The following SLC10A1 variants were observed in gnomAD, a reference collection of about 807,000 sequenced individuals.
The protein encoded by SLC10A1 is solute carrier family 10 member 1, also known as hepatic sodium/bile acid cotransporter.
A neutral mutation model predicts 20.5 loss-of-function variants in SLC10A1; 36 were observed. The ratio of observed to expected loss-of-function variants is 1.75; its 90% CI spans 1.34 to 2.32. SLC10A1 has a LOEUF of 2.32. Among genes scored for constraint, SLC10A1 ranks in the 30% most tolerant of loss-of-function variants. The pLI is 0.00. For synonymous variants in SLC10A1, 188 were observed against 163.6 expected (o/e 1.15, Z -1.14); for missense variants, 545 against 439.1 (o/e 1.24, Z -2.16).
intron 1 of SLC10A1, among the ~76,000 whole-genome samples, chr14:69,788,123 T>A (rs750227013): frequency 5.3e-5 from 8 of 151,766 alleles, no homozygotes; most frequent in Non-Finnish European, 8.8e-5. Flanking sequence ...GAGTGGGGTG[T>A]TAGTCTTGGC....
Position 69,778,504 on chromosome 14 carries a change from T to G in SLC10A1, c.772A>C (p.Thr258Pro). The change falls in exon 4 of 5, where the codon ACT (threonine) becomes CCT (proline). Residue 258 changes from threonine (T) to proline (P), a missense_variant. Coordinates refer to ENST00000216540, the MANE Select transcript of SLC10A1 (RefSeq NM_003049.4). ...GRCRRTVSME[T>P]GCQNVQLCST... ...CAGAGTTGGACATTTTGGCATCCAG[T>G]CTCCATGCTGACAGTGCGTCTGCAC... 6.2e-7 allele frequency: 1 copy of G among 1,610,952 alleles called. No homozygotes were observed. The highest frequency in any genetic ancestry group is 8.5e-7 in the Non-Finnish European group (1 of 1,178,806).
intron 1 of SLC10A1, among the ~76,000 whole-genome samples, chr14:69,788,760 A>G (rs185219375): frequency 0.011 from 1,744 of 152,062 alleles, 37 homozygotes; most frequent in African/African-American, 0.04. Context: ...GTTAGCCAGG[A>G]TAGTCTCGAT....
chr14:69,786,430 C>T, intron 1 of SLC10A1, 123 bp from the exon 2 acceptor site: 1 of 719,962 alleles, frequency 1.4e-6, no homozygotes, highest in East Asian at 2.7e-5. Context: ...TTCCTTTTCC[C>T]CATAACATTA....
intron 1 of SLC10A1, among the ~76,000 whole-genome samples, chr14:69,795,435 T>G (rs1198681807): frequency 6.8e-6 from 1 of 147,916 alleles, no homozygotes; most frequent in Non-Finnish European, 1.5e-5. Context: ...AGACAGGGTC[T>G]CACTCTGTTG....
Position 69,779,208 on chromosome 14 carries a change from G to A in SLC10A1, c.720C>T (p.Leu240=), listed in dbSNP as rs773454647. 37 of 1,612,108 alleles carry A rather than the reference G, an allele frequency of 2.3e-5. 1 individual carries two copies. In the South Asian group the frequency reaches 3.7e-4, roughly 16 times the overall value. Residue 240 remains leucine (L), a synonymous_variant, in exon 3 of 5, where the codon CTC becomes CTT. Coordinates refer to ENST00000216540, the MANE Select transcript of SLC10A1 (RefSeq NM_003049.4). ...GTCCATTGAGGCAGAAGAGAGCAGA[G>A]AGAACATAACCCAGCAGAAAGCCAA... ...PFIGFLLGYV[L]SALFCLNGRC...
rs535069354 is a variant in SLC10A1, at chr14:69,794,201, ATTG to A, written c.356+2596_356+2598del. On this transcript the variant is annotated intron_variant, in intron 1 of 4. Transcript: ENST00000216540. ...GGCTACAGCTGGCCCTTTGACATGT[ATTG>A]TTTGGTTTGCACATTTAAAAAAATG... Among the ~76,000 whole-genome samples the A allele has an allele frequency of 3.2e-4, 49 of 152,158 alleles. No homozygotes were observed. In the South Asian group the frequency reaches 3.5e-3, roughly 11 times the overall value.
chr14:69,778,589 C>A, intron 3 of SLC10A1, 60 bp from the exon 4 acceptor site: 2 of 1,412,844 alleles, frequency 1.4e-6, no homozygotes, highest in South Asian at 2.9e-5. Flanking sequence ...GCAACTTTGT[C>A]CCAGTGCTGC....
intron 1 of SLC10A1, among the ~76,000 whole-genome samples, chr14:69,791,406 T>A (rs924884200): frequency 1.3e-5 from 2 of 152,062 alleles, no homozygotes; most frequent in Non-Finnish European, 2.9e-5. Context: ...GTTCACGCCA[T>A]TCTCCTGCCT....
At chr14:69,781,362 G>A (rs1167577468) in intron 2 of SLC10A1, among the ~76,000 whole-genome samples, 1 of 152,206 alleles carries the variant, frequency 6.6e-6, no homozygotes, top group East Asian at 1.9e-4. Flanking sequence ...ACTGGGATGA[G>A]TGCTCATTCA....
intron 2 of SLC10A1, among the ~76,000 whole-genome samples, chr14:69,779,572 C>T (rs1217547951): frequency 6.6e-6 from 1 of 152,164 alleles, no homozygotes; most frequent in Non-Finnish European, 1.5e-5. Flanking sequence ...TACTATGTTG[C>T]CCAGGCTGGT....
chr14:69,785,074 A>G lies in SLC10A1; in HGVS notation c.567+1023T>C, dbSNP rs189045697. ...AGGCCAGAGGCATTGATCCAGGGGC[A>G]GAGATGGTACAGGAGGTCAGGAGGT... On this transcript the variant is annotated intron_variant, in intron 2 of 4. Coordinates refer to ENST00000216540, the MANE Select transcript of SLC10A1 (RefSeq NM_003049.4). Among the ~76,000 whole-genome samples the G allele has an allele frequency of 2.0e-5, 3 of 152,296 alleles. No homozygotes were observed. The East Asian group carries it at 5.8e-4, about 29-fold the overall frequency.
intron 4 of SLC10A1, among the ~76,000 whole-genome samples, chr14:69,778,125 C>T (rs1009017353): frequency 2.6e-5 from 4 of 152,166 alleles, no homozygotes; most frequent in African/African-American, 9.7e-5. Context: ...TTCATTCTCC[C>T]AGCTAGAAGG....
intron 4 of SLC10A1, among the ~76,000 whole-genome samples, chr14:69,776,919 A>G (rs1225635148): frequency 6.6e-6 from 1 of 152,252 alleles, no homozygotes; most frequent in Non-Finnish European, 1.5e-5. Context: ...AATGAAAAGT[A>G]TAAAAACTTG....
chr14:69,778,250 G>C, intron 4 of SLC10A1, 83 bp downstream of exon 4: 1 of 1,209,106 alleles, frequency 8.3e-7, no homozygotes, highest in Admixed American at 2.4e-5. Context: ...TATCCAAAAA[G>C]TCCCTGCTAG....
intron 3 of SLC10A1, 24 bp from the exon 4 acceptor site, chr14:69,778,553 C>T (rs201592464): frequency 3.2e-5 from 50 of 1,567,518 alleles, no homozygotes; most frequent in Non-Finnish European, 4.1e-5. Context: ...GAAAACCCCA[C>T]ATACACTCAG....
intron 2 of SLC10A1, among the ~76,000 whole-genome samples, chr14:69,785,657 C>T (rs144991935): frequency 7.7e-4 from 114 of 147,800 alleles, no homozygotes; most frequent in African/African-American, 2.7e-3. Flanking sequence ...AGTGCAGTGG[C>T]GCGATCTCGG....
At chr14:69,789,057 G>A (rs1883786517) in intron 1 of SLC10A1, among the ~76,000 whole-genome samples, 1 of 152,098 alleles carries the variant, frequency 6.6e-6, no homozygotes, top group Non-Finnish European at 1.5e-5. Flanking sequence ...TAAAAAGCTG[G>A]ACAATAACAA....
intron 2 of SLC10A1, among the ~76,000 whole-genome samples, chr14:69,780,078 CTAA>C (rs998030894): frequency 6.6e-6 from 1 of 152,132 alleles, no homozygotes; most frequent in African/African-American, 2.4e-5. Flanking sequence ...AAAATGATGT[CTAA>C]TAATAAGGGG....
chr14:69,781,770 T>G (rs561420367), intron 2 of SLC10A1, among the ~76,000 whole-genome samples: 178 of 152,350 alleles, frequency 1.2e-3, no homozygotes, highest in African/African-American at 4.1e-3. Context: ...GATAAACCCT[T>G]GCATGGGTAA....
Sources: allele counts gnomAD v4.1 joint callset (sites outside exome capture counted in the v4.1 genomes callset), GRCh38; gene constraint gnomAD v4.1.1; transcripts MANE v1.5; gene names NCBI Gene and HGNC (gene_info 2026-07-23, HGNC 2026-07-21).